Variants in CASZ1 observed in about 807,000 individuals in gnomAD.
The protein encoded by CASZ1 is castor zinc finger 1, also known as zinc finger protein castor homolog 1.
Under a neutral mutation model 135.2 loss-of-function variants are expected in CASZ1, and 28 were observed. That is an observed-to-expected ratio of 0.21 (90% CI 0.15 to 0.28). The LOEUF (loss-of-function observed/expected upper bound fraction) is 0.28, where lower values mean the gene tolerates loss of function less well. Among genes scored for constraint, CASZ1 ranks in the 10% least tolerant of loss-of-function variants. CASZ1 has a pLI of 1.00. For synonymous variants in CASZ1, 1,068 were observed against 1,073.4 expected (o/e 0.99, Z 0.10); for missense variants, 2,161 against 2,453.3 (o/e 0.88, Z 2.52).
rs1371007923 is a variant in CASZ1, at chr1:10,747,110, A to G, written c.-77+13591T>C. On this transcript the variant is annotated intron_variant, in intron 2 of 20. Coordinates refer to ENST00000377022, the MANE Select transcript of CASZ1 (RefSeq NM_001079843.3). The surrounding 1 kb of genome is among the most constrained non-coding windows in gnomAD (Gnocchi z 4.3). ...ACCCAGTTGGCAGTGCCATTCCCCT[A>G]ACGCAAGGTAAGCACACACAGACCC... Among the ~76,000 whole-genome samples the G allele has an allele frequency of 6.6e-6, 1 of 152,194 alleles. No homozygotes were observed. Among genetic ancestry groups the G allele is most frequent in the Non-Finnish European group, 1.5e-5 (1 of 68,026 alleles).
rs144356702 is a variant in CASZ1, at chr1:10,778,201, TCACA to T, written c.-233-17348_-233-17345del. ...ATCTCGCACACAATCAGACACACTCTCACACACAACCACAATCACAATCTCATAC... is the reference window on the plus strand; with the variant it reads ...ATCTCGCACACAATCAGACACACTCTCACAACCACAATCACAATCTCATAC... On this transcript the variant is annotated intron_variant, in intron 1 of 20. Coordinates refer to ENST00000377022, the MANE Select transcript of CASZ1 (RefSeq NM_001079843.3). Among the ~76,000 whole-genome samples the T allele has an allele frequency of 1.7e-3, 255 of 151,550 alleles. 10 individuals are homozygous for T. The East Asian group carries it at 0.046, about 27-fold the overall frequency.
At position 10,717,942 on chromosome 1, in the gene CASZ1, A is replaced by C. The variant is rs1639424980; in HGVS notation, c.-76-12398T>G. 6.6e-6 allele frequency among the ~76,000 whole-genome samples: 1 copy of C among 152,256 alleles called. No individual in the cohort carries two copies. Among genetic ancestry groups the C allele is most frequent in the South Asian group, 2.1e-4 (1 of 4,824 alleles). ...CGCTGCGAGCACGCCTGGTCGCCTCAGCGACCAAAGCGGGTGCAGGGACGG... is the reference window on the plus strand; with the variant it reads ...CGCTGCGAGCACGCCTGGTCGCCTCCGCGACCAAAGCGGGTGCAGGGACGG... On this transcript the variant is annotated intron_variant, in intron 2 of 20. Transcript: ENST00000377022. This position sits in a 1 kb window ranked among gnomAD's most constrained non-coding sequence, Gnocchi z 4.6.
rs527515042 is a variant in CASZ1 at position 10,790,981 on chromosome 1, A to G, written c.-234+5583T>C. 3.7e-3 allele frequency among the ~76,000 whole-genome samples: 564 copies of G among 152,150 alleles called. 2 individuals carry two copies. The highest frequency in any genetic ancestry group is 0.011 in the African/African-American group (462 of 41,502). On this transcript the variant is annotated intron_variant, in intron 1 of 20. Coordinates refer to ENST00000377022, the MANE Select transcript of CASZ1 (RefSeq NM_001079843.3). ...TAAAAGGTGATTTTTTTTTTAAAAA[A>G]GAAAAAATTTGCTTCTACCTTCCCT... is the stretch of plus-strand genomic sequence containing the variant.
At chr1:10,765,566 A>G (rs1640459890) in intron 1 of CASZ1, among the ~76,000 whole-genome samples, 1 of 152,168 alleles carries the variant, frequency 6.6e-6, no homozygotes, top group Admixed American at 6.5e-5. Flanking sequence ...CACATACACA[A>G]TGAGCCAAAA....
In CASZ1 at chr1:10,653,401, T is replaced by C; in HGVS notation, c.2656A>G (p.Lys886Glu). The change falls in exon 11 of 21, where the codon AAG becomes GAG. Residue 886 changes from lysine (K) to glutamate (E), a missense_variant. Lys to Glu is a moderately conservative substitution (Grantham distance 56). Around this residue, in one of 7 missense-constraint regions of CASZ1, gnomAD observed 406 missense variants for 387.6 expected, o/e 1.05. Coordinates refer to ENST00000377022, the MANE Select transcript of CASZ1 (RefSeq NM_001079843.3). The part of the protein sequence containing the change: ...MMARLAAAAL[K>E]PSATFDPGSG... ...CCTGGGTCAAAGGTGGCAGAGGGCTTGAGGGCAGCTGCAGCCAGCCTGGCC... is the reference window on the plus strand; with the variant it reads ...CCTGGGTCAAAGGTGGCAGAGGGCTCGAGGGCAGCTGCAGCCAGCCTGGCC... 6.2e-7 allele frequency: 1 copy of C among 1,613,242 alleles called. No homozygotes were observed.
chr1:10,708,973 G>C (rs1007715320), intron 2 of CASZ1, among the ~76,000 whole-genome samples: 4 of 142,908 alleles, frequency 2.8e-5, no homozygotes, highest in East Asian at 3.0e-4. Context: ...GGACGGGGAG[G>C]GGGGGGGCCA....
intron 4 of CASZ1, among the ~76,000 whole-genome samples, chr1:10,682,915 C>A (rs1052745086): frequency 1.3e-5 from 2 of 152,248 alleles, no homozygotes; most frequent in African/African-American, 2.4e-5. Context: ...GGCCTGTCAT[C>A]CCCCTGCTTC....
chr1:10,729,136 C>T (rs994186213), intron 2 of CASZ1, among the ~76,000 whole-genome samples: 32 of 152,186 alleles, frequency 2.1e-4, no homozygotes, highest in Admixed American at 2.1e-3. Flanking sequence ...AGGGGGCGGC[C>T]GGCCTGCGGC....
rs1159027305 is a variant in CASZ1 at position 10,776,172 on chromosome 1, A to G, written c.-233-15315T>C. Among the ~76,000 whole-genome samples the G allele has an allele frequency of 1.3e-5, 2 of 152,264 alleles. No homozygotes were observed. Among genetic ancestry groups the G allele is most frequent in the African/African-American group, 4.8e-5 (2 of 41,460 alleles). ...TTACTATTTTATTAGTGCAAACAAAATGGTAATAAAACACTAATACAGCGT... is the reference window on the plus strand; with the variant it reads ...TTACTATTTTATTAGTGCAAACAAAGTGGTAATAAAACACTAATACAGCGT... On this transcript the variant is annotated intron_variant, in intron 1 of 20. Transcript: ENST00000377022. The surrounding 1 kb of genome is among the most constrained non-coding windows in gnomAD (Gnocchi z 4.1).
rs894016628 is a variant in CASZ1 at position 10,697,846 on chromosome 1, G to A, written c.-23-3934C>T. On this transcript the variant is annotated intron_variant, in intron 3 of 20. Coordinates refer to ENST00000377022, the MANE Select transcript of CASZ1 (RefSeq NM_001079843.3). The surrounding 1 kb of genome is among the most constrained non-coding windows in gnomAD (Gnocchi z 4.7). Reference sequence around the variant, plus strand: ...TGGCCAAAGGACTGCGTGTGCCTGCGAACAAGCATGTTCGCACCTGCGAGG... The same window carrying A: ...TGGCCAAAGGACTGCGTGTGCCTGCAAACAAGCATGTTCGCACCTGCGAGG... Among the ~76,000 whole-genome samples the A allele has an allele frequency of 9.2e-5, 14 of 152,280 alleles. No homozygotes were observed. Among genetic ancestry groups the A allele is most frequent in the Admixed American group, 6.5e-4 (10 of 15,292 alleles).
rs1342974010 is a variant in CASZ1, at chr1:10,646,934, G to A, written c.3498-608C>T. 5.9e-5 allele frequency among the ~76,000 whole-genome samples: 9 copies of A among 152,182 alleles called. No individual in the cohort carries two copies. Among genetic ancestry groups the A allele is most frequent in the East Asian group, 5.8e-4 (3 of 5,190 alleles). On this transcript the variant is annotated intron_variant, in intron 16 of 20. Coordinates refer to ENST00000377022, the MANE Select transcript of CASZ1 (RefSeq NM_001079843.3). This position sits in a 1 kb window ranked among gnomAD's most constrained non-coding sequence, Gnocchi z 6.4. ...AGTGGGAGAGCTGCTGGGGCAGAGC[G>A]GGTGTGCTGGCCTGCCCTAGGCCGC...
chr1:10,755,822 G>A lies in CASZ1; in HGVS notation c.-77+4879C>T, dbSNP rs1396798188. On this transcript the variant is annotated intron_variant, in intron 2 of 20. Transcript: ENST00000377022. This position sits in a 1 kb window ranked among gnomAD's most constrained non-coding sequence, Gnocchi z 4.3. ...CCCATCCTCTGGAGCACCACATCACGGTGGGAGGTGGGGAACCCTCCTGCT... is the reference window on the plus strand; with the variant it reads ...CCCATCCTCTGGAGCACCACATCACAGTGGGAGGTGGGGAACCCTCCTGCT... Among the ~76,000 whole-genome samples the A allele has an allele frequency of 1.3e-5, 2 of 152,090 alleles. No individual in the cohort carries two copies. The highest frequency in any genetic ancestry group is 3.9e-4 in the East Asian group (2 of 5,142).
chr1:10,745,749 T>C (rs1227562588), intron 2 of CASZ1, among the ~76,000 whole-genome samples: 2 of 152,166 alleles, frequency 1.3e-5, no homozygotes, highest in African/African-American at 4.8e-5. Flanking sequence ...GAAAAGCCAC[T>C]CATTATCTCT....
chr1:10,791,582 GAGGGCTGC>G (rs1313340477), intron 1 of CASZ1, among the ~76,000 whole-genome samples: 2 of 152,118 alleles, frequency 1.3e-5, no homozygotes, highest in Admixed American at 6.6e-5. Flanking sequence ...CTGCACTGCT[GAGGGCTGC>G]GAGAATGACA....
chr1:10,640,881 C>T (rs943517632), intron 20 of CASZ1, among the ~76,000 whole-genome samples: 1 of 152,200 alleles, frequency 6.6e-6, no homozygotes, highest in Non-Finnish European at 1.5e-5. Context: ...GTAACCCTTT[C>T]TGGGAGGTAC....
At chr1:10,687,985 C>G (rs1638646797) in intron 4 of CASZ1, among the ~76,000 whole-genome samples, 1 of 152,204 alleles carries the variant, frequency 6.6e-6, no homozygotes, top group Non-Finnish European at 1.5e-5. Context: ...CTTCTGCCCC[C>G]ACTAAGAAGC....
At chr1:10,729,352 C>T (rs753712585) in intron 2 of CASZ1, among the ~76,000 whole-genome samples, 3 of 152,232 alleles carry the variant, frequency 2.0e-5, no homozygotes, top group Admixed American at 6.5e-5. Flanking sequence ...GCTGGCACTG[C>T]GGGGCAGCCG....
intron 2 of CASZ1, among the ~76,000 whole-genome samples, chr1:10,733,725 A>G (rs755106): frequency 0.092 from 13,969 of 152,138 alleles, 2,107 homozygotes; most frequent in African/African-American, 0.31. Flanking sequence ...GCTCAGAGGA[A>G]CCAGTACAGT....
chr1:10,715,210 G>A lies in CASZ1; in HGVS notation c.-76-9666C>T, dbSNP rs377326903. On this transcript the variant is annotated intron_variant, in intron 2 of 20. Coordinates refer to ENST00000377022, the MANE Select transcript of CASZ1 (RefSeq NM_001079843.3). ...CAACCTCCATCCTGTTTGAGGGGTC[G>A]GCTTGTGGGCCTTGGCAAGCTTTGG... Among the ~76,000 whole-genome samples, 12 of 152,290 alleles carry A rather than the reference G, an allele frequency of 7.9e-5. No homozygotes were observed. In the South Asian group the frequency reaches 1.2e-3, roughly 16 times the overall value.
Sources: gnomAD v4.1 joint callset for allele counts (sites outside exome capture counted in the v4.1 genomes callset) on GRCh38, gnomAD v4.1.1 for gene constraint, gnomAD v4.1.1 regional missense constraint, Gnocchi (gnomAD v3.1) non-coding constraint, MANE v1.5 for transcripts, NCBI Gene and HGNC (gene_info 2026-07-23, HGNC 2026-07-21) for gene names.